Variants in NUP62CL observed in about 807,000 individuals in gnomAD.
NUP62CL encodes nucleoporin 62 C-terminal like.
Under a neutral mutation model 15.3 loss-of-function variants are expected in NUP62CL, and 13 were observed. The observed-to-expected ratio is 0.85, with a 90% confidence interval of 0.55 to 1.35. NUP62CL has a LOEUF of 1.35. Among genes scored for constraint, NUP62CL ranks in the 40% most tolerant of loss-of-function variants. The pLI is 0.00. For synonymous variants in NUP62CL, 54 were observed against 49.2 expected, an observed-to-expected ratio of 1.10 and a Z score of -0.41; for missense variants, 123 against 130.6, an observed-to-expected ratio of 0.94 and a Z score of 0.28.
chrX:107,141,942 C>T (rs1201172606), intron 8 of NUP62CL, among the ~76,000 whole-genome samples: 14 of 109,255 alleles, frequency 1.3e-4, no homozygotes, highest in East Asian at 2.9e-4. Context: ...TGCCTGTAGT[C>T]CCAGCTACTC....
intron 1 of NUP62CL, among the ~76,000 whole-genome samples, chrX:107,198,943 T>G (rs995413514): frequency 1.8e-5 from 2 of 112,144 alleles, no homozygotes; most frequent in African/African-American, 6.5e-5. Flanking sequence ...TTTTAAAAAA[T>G]TACTATTCAT....
In NUP62CL at chrX:107,153,251, A is replaced by G; in HGVS notation, c.451T>C (p.Leu151=). 8.3e-7 allele frequency: 1 copy of G among 1,207,937 alleles called. No homozygotes were observed. The highest frequency in any genetic ancestry group is 1.1e-6 in the Non-Finnish European group (1 of 891,959). ...CGCGTAGACTCCTCTAAATAAGTCA[A>G]CAGAAATTCTAGTTCCTGCTGCTGT... The part of the protein sequence containing the change: ...LSQQQELEFL[L]TYLEESTRDQ... The change falls in exon 7 of 9, where the codon TTG becomes CTG. Residue 151 remains leucine (L), a synonymous_variant. Transcript: ENST00000372466.
intron 2 of NUP62CL, among the ~76,000 whole-genome samples, chrX:107,191,768 C>G (rs1056390547): frequency 8.9e-6 from 1 of 111,784 alleles, no homozygotes; most frequent in East Asian, 2.8e-4. Context: ...TTAAACAACA[C>G]AAGTTTTTGT....
intron 8 of NUP62CL, among the ~76,000 whole-genome samples, chrX:107,138,741 A>T (rs1925698757): frequency 8.9e-6 from 1 of 112,331 alleles, no homozygotes; most frequent in African/African-American, 3.2e-5. Flanking sequence ...AGTCTGGAAA[A>T]TAATGTGGCA....
At chrX:107,164,719 A>G (rs1355251092) in intron 4 of NUP62CL, among the ~76,000 whole-genome samples, 2 of 112,727 alleles carry the variant, frequency 1.8e-5, no homozygotes, top group Non-Finnish European at 3.7e-5. Context: ...TTTAAAAACA[A>G]TACATTCATC....
rs909299034 is a variant in NUP62CL at position 107,123,576 on chromosome X, A to C, written c.*799T>G. The C allele has an allele frequency of 9.0e-6, 1 of 111,451 alleles. No individual in the cohort carries two copies. The highest frequency in any genetic ancestry group is 1.9e-5 in the Non-Finnish European group (1 of 53,060). 9.2% of individuals were successfully genotyped at this position (111,451 alleles called of 1,213,427 possible). ...AACAAGGCTTATTTAAAACAAAACA[A>C]AACAAACAAACAAAAAAAAAGAAAA... is the stretch of plus-strand genomic sequence containing the variant. On this transcript the variant is annotated 3_prime_UTR_variant, in exon 9 of 9. Coordinates refer to ENST00000372466, the MANE Select transcript of NUP62CL (RefSeq NM_017681.3).
intron 2 of NUP62CL, among the ~76,000 whole-genome samples, chrX:107,187,750 C>A (rs1208543666): frequency 8.9e-6 from 1 of 112,162 alleles, no homozygotes; most frequent in Admixed American, 9.4e-5. Context: ...GTAAGACTGA[C>A]AATAAAAGAG....
intron 1 of NUP62CL, among the ~76,000 whole-genome samples, chrX:107,199,177 A>C (rs1389050435): frequency 9.0e-6 from 1 of 111,684 alleles, no homozygotes; most frequent in Non-Finnish European, 1.9e-5. Context: ...CCTTACCTTC[A>C]TTACCTAACA....
At chrX:107,154,267 G>A (rs767159108) in intron 4 of NUP62CL, 21 bp from the exon 5 acceptor site, 1 of 1,148,214 alleles carries the variant, frequency 8.7e-7, no homozygotes, top group Non-Finnish European at 1.2e-6. Context: ...AAAAGATGCA[G>A]GATGATCCAA....
At chrX:107,130,137 C>T (rs1164519795) in intron 8 of NUP62CL, among the ~76,000 whole-genome samples, 1 of 111,408 alleles carries the variant, frequency 9.0e-6, no homozygotes, top group East Asian at 2.8e-4. Context: ...AAACTTAATT[C>T]AAGAAAATAG....
At chrX:107,204,427 G>C (rs956433035) in intron 1 of NUP62CL, among the ~76,000 whole-genome samples, 7 of 110,906 alleles carry the variant, frequency 6.3e-5, no homozygotes, top group African/African-American at 2.3e-4. Context: ...CCCCCACCCC[G>C]CTACTTCCTC....
chrX:107,125,691 T>A lies in NUP62CL; in HGVS notation c.*43-1359A>T, dbSNP rs941984838. Among the ~76,000 whole-genome samples the A allele has an allele frequency of 5.4e-5, 6 of 111,797 alleles. No homozygotes were observed. The Admixed American group carries it at 5.7e-4, about 11-fold the overall frequency. On this transcript the variant is annotated intron_variant, in intron 8 of 8. Transcript: ENST00000372466. ...TTTTCACCTAAATAACAGTTTTTAA[T>A]ATGATGGAAGCACAGATGAGCACTA...
At chrX:107,192,448 T>C (rs1187778802) in intron 2 of NUP62CL, among the ~76,000 whole-genome samples, 1 of 111,978 alleles carries the variant, frequency 8.9e-6, no homozygotes, top group African/African-American at 3.2e-5. Context: ...GGTGCAATCA[T>C]GGCTCACTGC....
intron 4 of NUP62CL, 111 bp from the exon 5 acceptor site, chrX:107,154,357 T>C: frequency 1.9e-6 from 1 of 536,203 alleles, no homozygotes; most frequent in Non-Finnish European, 2.8e-6. Context: ...ATGTAAGGAA[T>C]TTCCCATACC....
intron 8 of NUP62CL, among the ~76,000 whole-genome samples, chrX:107,132,516 T>C (rs1392217514): frequency 1.8e-5 from 2 of 112,038 alleles, no homozygotes; most frequent in African/African-American, 6.5e-5. Context: ...CTCAGCACTT[T>C]GGGAGGCCGA....
rs181152861 is a variant in NUP62CL at position 107,135,599 on chromosome X, C to G, written c.*43-11267G>C. 7.4e-4 allele frequency among the ~76,000 whole-genome samples: 83 copies of G among 111,557 alleles called. No homozygotes were observed. In the South Asian group the frequency reaches 0.013, roughly 18 times the overall value. On this transcript the variant is annotated intron_variant, in intron 8 of 8. Transcript: ENST00000372466. ...GAGTTTGGCTTTCAACACTGTTTCT[C>G]TGGAAACCTACTAGGCAAGGTAATA...
chrX:107,148,843 T>C (rs965827501), intron 7 of NUP62CL, among the ~76,000 whole-genome samples: 3 of 111,628 alleles, frequency 2.7e-5, no homozygotes, highest in Non-Finnish European at 3.8e-5. Flanking sequence ...CTGGAACACA[T>C]AGCTCCTATT....
intron 8 of NUP62CL, among the ~76,000 whole-genome samples, chrX:107,124,823 A>G (rs754354897): frequency 9.0e-6 from 1 of 111,706 alleles, no homozygotes; most frequent in Non-Finnish European, 1.9e-5. Context: ...ATCATATGAA[A>G]CAGTAACTTT....
chrX:107,160,791 T>C (rs1414146485), intron 4 of NUP62CL, among the ~76,000 whole-genome samples: 3 of 111,024 alleles, frequency 2.7e-5, no homozygotes, highest in African/African-American at 9.9e-5. Context: ...GGGATCTAAT[T>C]AAACTAAAGA....
Sources: allele counts gnomAD v4.1 joint callset (sites outside exome capture counted in the v4.1 genomes callset), GRCh38; gene constraint gnomAD v4.1.1; transcripts MANE v1.5; gene names NCBI Gene and HGNC (gene_info 2026-07-23, HGNC 2026-07-21).